The following ZNF705A variants were observed in gnomAD, a reference collection of about 807,000 sequenced individuals.
The protein encoded by ZNF705A is zinc finger protein 705A.
A neutral mutation model predicts 16.6 loss-of-function variants in ZNF705A; 8 were observed. That is an observed-to-expected ratio of 0.48 (90% CI 0.28 to 0.87). ZNF705A has a LOEUF of 0.87. Among genes scored for constraint, ZNF705A ranks in the 40% least tolerant of loss-of-function variants. The pLI, the probability that ZNF705A is intolerant of heterozygous loss-of-function variation, is 0.10. For synonymous variants in ZNF705A, 73 were observed against 117.3 expected (o/e 0.62, Z 2.44); for missense variants, 233 against 359.9 (o/e 0.65, Z 2.85).
At chr12:8,163,940 A>G (rs1402253046) in intron 1 of ZNF705A, among the ~76,000 whole-genome samples, 1 of 152,158 alleles carries the variant, frequency 6.6e-6, no homozygotes, top group Non-Finnish European at 1.5e-5. Context: ...CTATGATGAC[A>G]TTTAAAAAGC....
At position 8,172,710 on chromosome 12, in the gene ZNF705A, G is replaced by A. The variant is rs1031148932; in HGVS notation, c.12+73G>A. ...GCAAGTGGGCATTTTTCTCCAATTT[G>A]CATGGGTGTTTCATTTTTATTCTTT... On this transcript the variant is annotated intron_variant, in intron 1 of 4. Transcript: ENST00000359286. 1.3e-4 allele frequency: 209 copies of A among 1,573,800 alleles called. 1 individual carries two copies. Among genetic ancestry groups the A allele is most frequent in the Non-Finnish European group, 1.8e-4 (206 of 1,161,418 alleles).
intron 4 of ZNF705A, 121 bp from the exon 6 acceptor site, chr12:8,176,878 A>G: frequency 2.8e-6 from 4 of 1,429,608 alleles, no homozygotes; most frequent in South Asian, 1.3e-5. Context: ...CACAAGAAAC[A>G]TTGGAAAGCT....
exon 5 of ZNF705A, chr12:8,177,702 ACTT>A (rs1948497895): frequency 6.9e-7 from 1 of 1,446,342 alleles, no homozygotes; most frequent in Non-Finnish European, 9.3e-7. Flanking sequence ...AAAATTATAA[ACTT>A]CTTCAGAACA....
At chr12:8,157,084 C>T (rs752349752) in exon 1 of ZNF705A, 26 of 397,728 alleles carry the variant, frequency 6.5e-5, no homozygotes, top group Admixed American at 2.2e-4. Flanking sequence ...AATGCAATTC[C>T]GCTTAAAGGT....
intron 1 of ZNF705A, among the ~76,000 whole-genome samples, chr12:8,163,458 A>G (rs1183957481): frequency 6.6e-6 from 1 of 152,208 alleles, no homozygotes; most frequent in Non-Finnish European, 1.5e-5. Context: ...ATACACAACT[A>G]TTAGGCCACC....
At chr12:8,172,603 A>C (rs1948453929) in exon 1 of ZNF705A, 2 of 1,596,494 alleles carry the variant, frequency 1.3e-6, no homozygotes, top group African/African-American at 2.7e-5. Context: ...AGAGGTAGAC[A>C]GAGAGAAACT....
At chr12:8,160,700 C>T (rs1948347506) in intron 1 of ZNF705A, among the ~76,000 whole-genome samples, 1 of 151,524 alleles carries the variant, frequency 6.6e-6, no homozygotes, top group African/African-American at 2.4e-5. Flanking sequence ...TTGCCAAATT[C>T]TTCTATCAGT....
intron 1 of ZNF705A, among the ~76,000 whole-genome samples, chr12:8,165,843 G>GCCTCC (rs1565414169): frequency 2.6e-5 from 4 of 152,020 alleles, no homozygotes; most frequent in Admixed American, 6.6e-5. Flanking sequence ...TGGTGCAAAG[G>GCCTCC]ACATAATTTT....
chr12:8,159,149 T>A (rs1351388755), intron 1 of ZNF705A, among the ~76,000 whole-genome samples: 2 of 152,196 alleles, frequency 1.3e-5, no homozygotes, highest in African/African-American at 4.8e-5. Flanking sequence ...ACTTCATTCA[T>A]TTTTATGGCT....
chr12:8,177,959 A>C (rs1948499872), exon 5 of ZNF705A: 1 of 262,400 alleles, frequency 3.8e-6, no homozygotes, highest in Non-Finnish European at 7.3e-6. Context: ...CATAAATGAC[A>C]TGAGAGAGCT....
intron 1 of ZNF705A, among the ~76,000 whole-genome samples, chr12:8,166,240 T>C (rs1948398223): frequency 6.6e-6 from 1 of 152,240 alleles, no homozygotes; most frequent in Non-Finnish European, 1.5e-5. Flanking sequence ...ACATTCGCCA[T>C]GAAGTCTCCA....
chr12:8,162,734 G>A (rs1459247867), intron 1 of ZNF705A, among the ~76,000 whole-genome samples: 3 of 152,136 alleles, frequency 2.0e-5, no homozygotes, highest in Admixed American at 6.5e-5. Flanking sequence ...AGACAAGAGC[G>A]AAATGCTGTC....
In ZNF705A at chr12:8,172,968, T is replaced by C. The variant is rs761525183; in HGVS notation, c.12+331T>C. On this transcript the variant is annotated intron_variant, in intron 1 of 4. Transcript: ENST00000359286. ...ATATGAGAGGTTTCATTTATATATT[T>C]CTTTTTCTTCTATCCATCCTATAAT... Among the ~76,000 whole-genome samples the C allele has an allele frequency of 2.0e-5, 3 of 152,372 alleles. No individual in the cohort carries two copies. In the East Asian group the frequency reaches 5.8e-4, roughly 29 times the overall value.
At chr12:8,159,576 T>C (rs1302075757) in intron 1 of ZNF705A, among the ~76,000 whole-genome samples, 1 of 152,216 alleles carries the variant, frequency 6.6e-6, no homozygotes, top group African/African-American at 2.4e-5. Context: ...TGAGGATTTT[T>C]TTTGATATGT....
At chr12:8,176,402 A>C (rs986766988) in intron 4 of ZNF705A, among the ~76,000 whole-genome samples, 2 of 152,198 alleles carry the variant, frequency 1.3e-5, no homozygotes, top group Non-Finnish European at 2.9e-5. Context: ...CTCCAAATTT[A>C]AAGGGGAAAG....
chr12:8,170,088 C>T (rs758674675), upstream of ZNF705A, among the ~76,000 whole-genome samples: 7 of 151,804 alleles, frequency 4.6e-5, no homozygotes, highest in African/African-American at 1.7e-4. Flanking sequence ...ACTCAGGAGG[C>T]TGAGGCTGGA....
chr12:8,173,165 C>T (rs1284845363), intron 1 of ZNF705A, among the ~76,000 whole-genome samples: 1 of 152,182 alleles, frequency 6.6e-6, no homozygotes, highest in Admixed American at 6.5e-5. Flanking sequence ...ACTTGCTGTG[C>T]AGTGTTGAGG....
rs769122656 is a variant in ZNF705A, at chr12:8,175,502, T to C, written c.235+179T>C. ...TTTGTTCATGTGTCAGATGCTACTC[T>C]TGTGTCCTCTTTTTTTACTTTTCTT... On this transcript the variant is annotated intron_variant, in intron 3 of 4. Coordinates refer to ENST00000359286, the Ensembl canonical transcript of ZNF705A. Among the ~76,000 whole-genome samples the C allele has an allele frequency of 9.8e-5, 15 of 152,330 alleles. No homozygotes were observed. The South Asian group carries it at 2.3e-3, about 23-fold the overall frequency.
chr12:8,161,798 C>T (rs748051821), intron 1 of ZNF705A, among the ~76,000 whole-genome samples: 2 of 152,228 alleles, frequency 1.3e-5, no homozygotes, highest in African/African-American at 4.8e-5. Context: ...CGGAGGCCGC[C>T]GGCAACCCAT....
Sources: gnomAD v4.1 joint callset for allele counts (sites outside exome capture counted in the v4.1 genomes callset) on GRCh38, gnomAD v4.1.1 for gene constraint, MANE v1.5 for transcripts, NCBI Gene and HGNC (gene_info 2026-07-23, HGNC 2026-07-21) for gene names.